CACNA2D1: variants seen among roughly 807,000 people sequenced by gnomAD.
CACNA2D1 encodes calcium voltage-gated channel auxiliary subunit alpha2delta 1.
A neutral mutation model predicts 171.5 loss-of-function variants in CACNA2D1; 53 were observed. The ratio of observed to expected loss-of-function variants is 0.31; its 90% CI spans 0.25 to 0.39. The LOEUF (loss-of-function observed/expected upper bound fraction) is 0.39. Among genes scored for constraint, CACNA2D1 ranks in the 10% least tolerant of loss-of-function variants. The pLI is 1.00. For synonymous variants in CACNA2D1, 442 were observed against 443.1 expected, an observed-to-expected ratio of 1.00 and a Z score of 0.03; for missense variants, 903 against 1,299.8, an observed-to-expected ratio of 0.69 and a Z score of 4.69.
intron 3 of CACNA2D1, among the ~76,000 whole-genome samples, chr7:82,202,428 G>A (rs1305898029): frequency 6.6e-6 from 1 of 152,124 alleles, no homozygotes; most frequent in Non-Finnish European, 1.5e-5. Flanking sequence ...CCATGCAGCT[G>A]AAACATTGGT....
intron 1 of CACNA2D1, among the ~76,000 whole-genome samples, chr7:82,381,516 C>T (rs769513842): frequency 2.0e-5 from 3 of 152,146 alleles, no homozygotes; most frequent in Non-Finnish European, 4.4e-5. Flanking sequence ...TGTTCTTGGA[C>T]CACAATGTCT....
chr7:82,233,730 T>C (rs1358228128), intron 3 of CACNA2D1, among the ~76,000 whole-genome samples: 1 of 152,106 alleles, frequency 6.6e-6, no homozygotes, highest in Non-Finnish European at 1.5e-5. Context: ...TATGTTTCCC[T>C]AAAACAACTC....
chr7:82,064,869 C>A (rs1189615491), intron 8 of CACNA2D1, among the ~76,000 whole-genome samples: 1 of 152,150 alleles, frequency 6.6e-6, no homozygotes, highest in East Asian at 1.9e-4. Context: ...GGCTCTCAAA[C>A]TTTACAGTGT....
At chr7:82,011,589 A>G (rs561121095) in intron 15 of CACNA2D1, among the ~76,000 whole-genome samples, 1 of 152,200 alleles carries the variant, frequency 6.6e-6, no homozygotes, top group Non-Finnish European at 1.5e-5. Flanking sequence ...TCAATGACGT[A>G]TTTCCATAAA....
chr7:82,117,021 G>T lies in CACNA2D1; in HGVS notation c.526+23C>A, dbSNP rs769011742. The T allele has an allele frequency of 1.1e-5, 18 of 1,612,234 alleles. No homozygotes were observed. The Admixed American group carries it at 2.7e-4, about 24-fold the overall frequency. On this transcript the variant is annotated intron_variant, in intron 6 of 38. Transcript: ENST00000356860. The stretch of plus-strand genomic sequence containing the variant: ...CAGGCGAGAGCATGGTATTCCAACA[G>T]ATGTTAACATTCTTTTACTTACAGC...
At chr7:82,295,490 C>A (rs1303848760) in intron 3 of CACNA2D1, among the ~76,000 whole-genome samples, 1 of 151,820 alleles carries the variant, frequency 6.6e-6, no homozygotes, top group East Asian at 1.9e-4. Flanking sequence ...CTGTACACCA[C>A]TATGCACTAT....
At chr7:82,308,146 C>A (rs752825814) in intron 3 of CACNA2D1, among the ~76,000 whole-genome samples, 1 of 152,118 alleles carries the variant, frequency 6.6e-6, no homozygotes, top group Non-Finnish European at 1.5e-5. Flanking sequence ...TGAGATGTAT[C>A]CACACTGGCT....
At chr7:82,367,868 C>A (rs186842841) in intron 1 of CACNA2D1, among the ~76,000 whole-genome samples, 1 of 151,744 alleles carries the variant, frequency 6.6e-6, no homozygotes. Context: ...GACACAGAGA[C>A]CATAAAGTTT....
At chr7:82,046,726 A>G (rs1010348590) in intron 10 of CACNA2D1, among the ~76,000 whole-genome samples, 2 of 152,206 alleles carry the variant, frequency 1.3e-5, no homozygotes, top group Non-Finnish European at 2.9e-5. Flanking sequence ...CCAGTAGATA[A>G]AATGGAATAC....
intron 1 of CACNA2D1, among the ~76,000 whole-genome samples, chr7:82,377,741 T>C (rs1823186362): frequency 6.6e-6 from 1 of 152,184 alleles, no homozygotes; most frequent in Admixed American, 6.5e-5. Context: ...TCCCAATCTC[T>C]TTCTCTTCCT....
chr7:82,199,737 C>T (rs1490231989), intron 3 of CACNA2D1, among the ~76,000 whole-genome samples: 4 of 151,862 alleles, frequency 2.6e-5, no homozygotes, highest in Non-Finnish European at 5.9e-5. Flanking sequence ...CTCATTCCAG[C>T]AAAGTAAAAG....
At chr7:82,158,702 A>C (rs943533686) in intron 4 of CACNA2D1, among the ~76,000 whole-genome samples, 2 of 151,918 alleles carry the variant, frequency 1.3e-5, no homozygotes, top group Non-Finnish European at 2.9e-5. Flanking sequence ...TTGATGAGGA[A>C]ACTGTGGCTT....
chr7:82,050,350 A>C (rs1805049471), intron 10 of CACNA2D1: 1 of 461,546 alleles, frequency 2.2e-6, no homozygotes, highest in African/African-American at 1.9e-5. Context: ...TCAGAGACAA[A>C]GAGTTTATTA....
At chr7:82,322,345 T>C (rs1428370329) in intron 3 of CACNA2D1, among the ~76,000 whole-genome samples, 1 of 149,890 alleles carries the variant, frequency 6.7e-6, no homozygotes, top group East Asian at 2.0e-4. Flanking sequence ...CCGGGCATGG[T>C]GGCTCACACC....
At chr7:82,260,465 C>T (rs530230514) in intron 3 of CACNA2D1, among the ~76,000 whole-genome samples, 4 of 152,108 alleles carry the variant, frequency 2.6e-5, no homozygotes, top group African/African-American at 9.7e-5. Flanking sequence ...ATAACCAGGT[C>T]ATAATGAGCA....
intron 6 of CACNA2D1, among the ~76,000 whole-genome samples, chr7:82,093,804 GCACA>G (rs751077752): frequency 6.6e-6 from 1 of 151,772 alleles, no homozygotes; most frequent in Non-Finnish European, 1.5e-5. Context: ...ACATACACAG[GCACA>G]CACACACAAA....
At chr7:82,228,808 T>C (rs1484639045) in intron 3 of CACNA2D1, among the ~76,000 whole-genome samples, 2 of 152,146 alleles carry the variant, frequency 1.3e-5, no homozygotes, top group Non-Finnish European at 2.9e-5. Flanking sequence ...CTCAACACTA[T>C]AGCTACATGT....
chr7:82,369,819 A>C (rs1008943807), intron 1 of CACNA2D1, among the ~76,000 whole-genome samples: 1 of 152,100 alleles, frequency 6.6e-6, no homozygotes, highest in African/African-American at 2.4e-5. Context: ...AGGTTTGAGA[A>C]ACTGAAATCA....
Position 81,964,073 on chromosome 7 carries a change from C to A in CACNA2D1, c.2763G>T (p.Trp921Cys). 1 of 1,611,970 alleles carries A rather than the reference C, an allele frequency of 6.2e-7. No homozygotes were observed. Among genetic ancestry groups the A allele is most frequent in the East Asian group, 2.2e-5 (1 of 44,772 alleles). The change falls in exon 34 of 39, where the codon TGG (tryptophan) becomes TGT (cysteine). Residue 921 changes from tryptophan to cysteine, a missense_variant. Physicochemically the swap from Trp to Cys is radical, Grantham distance 215. Coordinates refer to ENST00000356860, the MANE Select transcript of CACNA2D1 (RefSeq NM_000722.4). The stretch of plus-strand genomic sequence containing the variant: ...TGACTTACCAGGCAGCAGCAGTGGC[C>A]CACCAGCCAATTTGTAATATGTCTG... ...SVADILQIGW[W>C]ATAAAWSILQ...
Sources: gnomAD v4.1 joint callset for allele counts (sites outside exome capture counted in the v4.1 genomes callset) on GRCh38, gnomAD v4.1.1 for gene constraint, MANE v1.5 for transcripts, NCBI Gene and HGNC (gene_info 2026-07-23, HGNC 2026-07-21) for gene names.